ZFC3H1: variants seen among roughly 807,000 people sequenced by gnomAD.
ZFC3H1 encodes zinc finger C3H1-type containing, also known as zinc finger C3H1 domain-containing protein.
Under a neutral mutation model 243.7 loss-of-function variants are expected in ZFC3H1, and 71 were observed. The ratio of observed to expected loss-of-function variants is 0.29; its 90% CI spans 0.24 to 0.36. The LOEUF (loss-of-function observed/expected upper bound fraction) is 0.36, where lower values mean the gene tolerates loss of function less well. Ranked by LOEUF, ZFC3H1 falls within the 10% of genes least tolerant of loss-of-function variation. ZFC3H1 has a pLI of 1.00. For missense variants in ZFC3H1, 1,966 were observed against 2,317.1 expected (o/e 0.85, Z 3.11); for synonymous variants, 838 against 813.0 (o/e 1.03, Z -0.52).
intron 11 of ZFC3H1, among the ~76,000 whole-genome samples, 192 bp from the exon 12 acceptor site, chr12:71,634,496 T>C (rs17110053): frequency 0.058 from 8,848 of 152,242 alleles, 357 homozygotes; most frequent in South Asian, 0.087. Flanking sequence ...TTTTCATCTT[T>C]TTTCTAAGCT....
chr12:71,618,599 ATAG>A (rs1184719457), intron 27 of ZFC3H1, among the ~76,000 whole-genome samples: 1 of 152,222 alleles, frequency 6.6e-6, no homozygotes, highest in East Asian at 1.9e-4. Context: ...ATAAAGCAAC[ATAG>A]TAGAGTAGTG....
chr12:71,613,279 T>C (rs1433477662), intron 31 of ZFC3H1, 56 bp downstream of exon 31: 4 of 1,266,872 alleles, frequency 3.2e-6, no homozygotes, highest in African/African-American at 3.0e-5. Context: ...AATAATCTTA[T>C]ATAAAGAGCC....
At chr12:71,631,457 G>A (rs908457566) in intron 16 of ZFC3H1, among the ~76,000 whole-genome samples, 1 of 151,884 alleles carries the variant, frequency 6.6e-6, no homozygotes, top group East Asian at 1.9e-4. Flanking sequence ...CTGAATAACA[G>A]TAAAATTAAA....
chr12:71,652,692 G>C (rs1253992038), intron 2 of ZFC3H1, among the ~76,000 whole-genome samples: 1 of 152,110 alleles, frequency 6.6e-6, no homozygotes, highest in Non-Finnish European at 1.5e-5. Flanking sequence ...ATAGAGATTT[G>C]TGTCTTTTCT....
At chr12:71,635,632 C>T (rs1404082944) in intron 9 of ZFC3H1, 52 bp from the exon 10 acceptor site, 1 of 1,475,022 alleles carries the variant, frequency 6.8e-7, no homozygotes, top group Admixed American at 2.8e-5. Context: ...TGTCATTTAA[C>T]CTTGTTCAAT....
In ZFC3H1 at chr12:71,631,814, G is replaced by T. The variant is rs745484231; in HGVS notation, c.3434C>A (p.Pro1145His). The T allele has an allele frequency of 1.2e-6, 2 of 1,613,512 alleles. No homozygotes were observed. The highest frequency in any genetic ancestry group is 2.2e-5 in the South Asian group (2 of 91,008). Reference sequence around the variant, plus strand: ...AAAAACTAGAAGAGGACTATGGTAGGGTCTAAAAGGACATGGCTTCACTTC... The same window carrying T: ...AAAAACTAGAAGAGGACTATGGTAGTGTCTAAAAGGACATGGCTTCACTTC... ...TMEVKPCPFR[P>H]YHSPLLVFKS... Residue 1145 changes from proline to histidine, a missense_variant, in exon 16 of 35, where the codon CCC (proline) becomes CAC (histidine). Pro to His is a moderately conservative substitution (Grantham distance 77, BLOSUM62 -2). Transcript: ENST00000378743.
chr12:71,639,388 T>TCACATTTGTGA, intron 6 of ZFC3H1: 1 of 230,712 alleles, frequency 4.3e-6, no homozygotes, highest in Non-Finnish European at 8.7e-6. Context: ...GGCTGCTGTG[T>TCACATTTGTGA]CACATTTGTG....
At chr12:71,624,362 T>A in intron 22 of ZFC3H1, 70 bp from the exon 23 acceptor site, 1 of 1,416,548 alleles carries the variant, frequency 7.1e-7, no homozygotes. Context: ...ACTTTTCACA[T>A]TTCATTAAGA....
chr12:71,659,614 C>T (rs1011515734), intron 1 of ZFC3H1, among the ~76,000 whole-genome samples: 1 of 151,938 alleles, frequency 6.6e-6, no homozygotes, highest in Admixed American at 6.5e-5. Flanking sequence ...TGATTAAATA[C>T]ACTAACAAAA....
chr12:71,635,472 T>A lies in ZFC3H1; in HGVS notation c.2209A>T (p.Met737Leu). 6.3e-7 allele frequency: 1 copy of A among 1,576,936 alleles called. No homozygotes were observed. The highest frequency in any genetic ancestry group is 8.6e-7 in the Non-Finnish European group (1 of 1,167,206). Residue 737 changes from methionine (M) to leucine (L), a missense_variant, in exon 10 of 35, where the codon ATG becomes TTG. Transcript: ENST00000378743. ...TNSVFGGLES[M>L]IKEARRTAEQ... ...GCAGTTCGTCTTGCTTCTTTAATCA[T>A]GGACTCTAATCCACCAAAAACACTA... is the stretch of plus-strand genomic sequence containing the variant.
In ZFC3H1 at chr12:71,648,374, T is replaced by C. The variant is rs1438897306; in HGVS notation, c.1016-561A>G. Among the ~76,000 whole-genome samples the C allele has an allele frequency of 2.6e-5, 4 of 152,226 alleles. No individual in the cohort carries two copies. The East Asian group carries it at 7.7e-4, about 29-fold the overall frequency. On this transcript the variant is annotated intron_variant, in intron 2 of 34. Transcript: ENST00000378743. ...GGCCCAGATGACTGATGAAATAATG[T>C]ACAAAATCTTACATTTATATATTAC...
At chr12:71,645,184 T>C (rs1880698481) in intron 3 of ZFC3H1, 109 bp from the exon 4 acceptor site, 2 of 995,884 alleles carry the variant, frequency 2.0e-6, no homozygotes, top group East Asian at 2.6e-5. Context: ...AAGGCAAATA[T>C]GACAAGGCAA....
At chr12:71,644,461 C>T in intron 4 of ZFC3H1, 143 bp from the exon 5 acceptor site, 5 of 844,200 alleles carry the variant, frequency 5.9e-6, no homozygotes, top group Non-Finnish European at 8.9e-6. Context: ...TTTTAGGGCC[C>T]TGTAATTCCC....
At chr12:71,612,255 T>C (rs1879792570) in intron 31 of ZFC3H1, among the ~76,000 whole-genome samples, 1 of 152,076 alleles carries the variant, frequency 6.6e-6, no homozygotes, top group African/African-American at 2.4e-5. Context: ...TGATCAGTCT[T>C]GAATGTTTCT....
At chr12:71,611,934 G>A (rs756503312) in intron 31 of ZFC3H1, 47 bp from the exon 32 acceptor site, 137 of 1,254,580 alleles carry the variant, frequency 1.1e-4, no homozygotes, top group East Asian at 3.1e-4. Flanking sequence ...CAAGTGTAAC[G>A]AACCCCAAAT....
At chr12:71,642,675 A>C in intron 5 of ZFC3H1, 116 bp from the exon 6 acceptor site, 1 of 1,191,220 alleles carries the variant, frequency 8.4e-7, no homozygotes, top group East Asian at 2.4e-5. Context: ...TGATTCAGTT[A>C]GATGTGCCTA....
intron 32 of ZFC3H1, 55 bp from the exon 33 acceptor site, chr12:71,611,152 T>G: frequency 6.8e-7 from 1 of 1,475,708 alleles, no homozygotes; most frequent in Non-Finnish European, 9.0e-7. Context: ...AAAATTTATA[T>G]ATCTTTGAAC....
chr12:71,652,986 A>C (rs1280216699), intron 2 of ZFC3H1, among the ~76,000 whole-genome samples: 1 of 152,166 alleles, frequency 6.6e-6, no homozygotes, highest in Admixed American at 6.5e-5. Flanking sequence ...ATTACAACAA[A>C]ACAAAATCAC....
In ZFC3H1 at chr12:71,663,475, CGCT is replaced by C. The variant is rs762742525; in HGVS notation, c.133_135del (p.Ser45del). On this transcript the variant is annotated inframe_deletion, in exon 1 of 35. Transcript: ENST00000378743. ...CGCGGATAGGGTAACAGCCCGCCGC[CGCT>C]GCTGCTGCTGCTGCTCCGACTCCGT... 1.5e-4 allele frequency: 237 copies of C among 1,612,332 alleles called. No homozygotes were observed. Among genetic ancestry groups the C allele is most frequent in the Non-Finnish European group, 1.7e-4 (206 of 1,179,780 alleles).
Sources: gnomAD v4.1 joint callset for allele counts (sites outside exome capture counted in the v4.1 genomes callset) on GRCh38, gnomAD v4.1.1 for gene constraint, MANE v1.5 for transcripts, NCBI Gene and HGNC (gene_info 2026-07-23, HGNC 2026-07-21) for gene names.